The following LUC7L2 variants were observed in gnomAD, a reference collection of about 807,000 sequenced individuals.
The protein encoded by LUC7L2 is putative RNA-binding protein Luc7-like 2.
In LUC7L2, 25 loss-of-function variants were observed where a neutral mutation model predicts 52.8. That is an observed-to-expected ratio of 0.47 (90% CI 0.34 to 0.66). The LOEUF (loss-of-function observed/expected upper bound fraction) is 0.66, where lower values mean the gene tolerates loss of function less well. LUC7L2 is among the 30% of genes least tolerant of loss of function. LUC7L2 has a pLI of 0.01. For synonymous variants in LUC7L2, 144 were observed against 160.9 expected (o/e 0.89, Z 0.80); for missense variants, 328 against 497.8 (o/e 0.66, Z 3.25).
rs796543683 is a variant in LUC7L2 at position 139,415,072 on chromosome 7, T to G, written c.810-2466T>G. ...CTGCTAAGTTTTTTTTTTTTTTTTT[T>G]TTTTTTTTTTTGTATTTTTAGTAGA... On this transcript the variant is annotated intron_variant, in intron 8 of 9. Transcript: ENST00000354926. 1.2e-3 allele frequency among the ~76,000 whole-genome samples: 115 copies of G among 92,892 alleles called. 1 individual carries two copies. The highest frequency in any genetic ancestry group is 5.4e-3 in the African/African-American group (66 of 12,290). 60.9% of individuals were successfully genotyped at this position (92,892 alleles called of 152,430 possible).
At chr7:139,358,080 T>C (rs1799661854), upstream of LUC7L2, among the ~76,000 whole-genome samples, 1 of 152,068 alleles carries the variant, frequency 6.6e-6, no homozygotes, top group Non-Finnish European at 1.5e-5. Flanking sequence ...TAATCTCGGC[T>C]TACTGCAACC....
At chr7:139,380,214 CAG>C (rs1477175236) in intron 2 of LUC7L2, among the ~76,000 whole-genome samples, 2 of 151,932 alleles carry the variant, frequency 1.3e-5, no homozygotes, top group East Asian at 1.9e-4. Flanking sequence ...GGAGGTAAAA[CAG>C]AACAGAGGAT....
rs780564101 is a variant in LUC7L2 at position 139,417,574 on chromosome 7, C to T, written c.846C>T (p.Arg282=). 3.7e-6 allele frequency: 6 copies of T among 1,614,172 alleles called. No individual in the cohort carries two copies. The South Asian group carries it at 5.5e-5, about 15-fold the overall frequency. ...RSREHRRHRS[R]SMSRERKRRT... is the part of the protein sequence containing the mutation. ...GAGAGCATCGCAGACATCGATCTCG[C>T]TCCATGTCACGTGAACGCAAGAGGA... is the stretch of plus-strand genomic sequence containing the variant. Residue 282 remains arginine, a synonymous_variant, in exon 9 of 10, where the codon CGC becomes CGT. Coordinates refer to ENST00000354926, the MANE Select transcript of LUC7L2 (RefSeq NM_016019.5).
chr7:139,415,647 C>T (rs1028424246), intron 8 of LUC7L2, among the ~76,000 whole-genome samples: 1 of 148,464 alleles, frequency 6.7e-6, no homozygotes, highest in Admixed American at 6.8e-5. Flanking sequence ...CGTGTGCCAC[C>T]ATGTCCAGCT....
chr7:139,407,641 T>C (rs980169865), intron 6 of LUC7L2, among the ~76,000 whole-genome samples: 3 of 152,176 alleles, frequency 2.0e-5, no homozygotes, highest in Non-Finnish European at 4.4e-5. Context: ...TTCATTGTTA[T>C]TGTTCTTTTC....
intron 2 of LUC7L2, among the ~76,000 whole-genome samples, chr7:139,378,629 A>G (rs1375460300): frequency 1.3e-5 from 2 of 152,214 alleles, no homozygotes; most frequent in African/African-American, 4.8e-5. Flanking sequence ...TTCATTCTTC[A>G]TTTAACATCA....
chr7:139,357,150 A>G (rs1406732206), upstream of LUC7L2, among the ~76,000 whole-genome samples: 1 of 152,198 alleles, frequency 6.6e-6, no homozygotes, highest in Non-Finnish European at 1.5e-5. Flanking sequence ...GAATAAAAAT[A>G]TAATAAAATG....
intron 2 of LUC7L2, among the ~76,000 whole-genome samples, chr7:139,380,827 A>T (rs1323964017): frequency 6.6e-6 from 1 of 152,218 alleles, no homozygotes; most frequent in Non-Finnish European, 1.5e-5. Context: ...AGGAAAGATA[A>T]AGAAATTGAC....
intron 2 of LUC7L2, 124 bp from the exon 3 acceptor site, chr7:139,398,475 G>C (rs1358987571): frequency 4.8e-6 from 3 of 625,030 alleles, no homozygotes; most frequent in Non-Finnish European, 7.3e-6. Flanking sequence ...TTTGTAATTT[G>C]GAAGCCCCTA....
chr7:139,358,318 T>C (rs1799684242), upstream of LUC7L2, among the ~76,000 whole-genome samples: 1 of 152,186 alleles, frequency 6.6e-6, no homozygotes, highest in Non-Finnish European at 1.5e-5. Flanking sequence ...GCAATATACA[T>C]TTAAAGGAAT....
At chr7:139,395,543 T>A (rs918492875) in intron 2 of LUC7L2, among the ~76,000 whole-genome samples, 4 of 152,234 alleles carry the variant, frequency 2.6e-5, no homozygotes, top group Non-Finnish European at 4.4e-5. Flanking sequence ...TCCTCATTAT[T>A]TCCCAAAGGA....
At chr7:139,421,358 A>T (rs1431242228) in intron 9 of LUC7L2, among the ~76,000 whole-genome samples, 1 of 152,184 alleles carries the variant, frequency 6.6e-6, no homozygotes, top group East Asian at 1.9e-4. Context: ...AATTTGTTGA[A>T]TTTTAGATGT....
intron 2 of LUC7L2, among the ~76,000 whole-genome samples, chr7:139,379,964 A>G (rs950420988): frequency 8.6e-5 from 13 of 151,322 alleles, no homozygotes; most frequent in Non-Finnish European, 1.9e-4. Context: ...ACTTGAGGTC[A>G]GGAGTTTGAG....
intron 1 of LUC7L2, chr7:139,346,394 A>G (rs1799272719): frequency 6.6e-6 from 1 of 152,210 alleles, no homozygotes; most frequent in Non-Finnish European, 1.5e-5. Context: ...GCATCTTTCC[A>G]GATATTTCCT....
chr7:139,352,113 T>G (rs1471969776), intron 1 of LUC7L2, among the ~76,000 whole-genome samples: 2 of 152,164 alleles, frequency 1.3e-5, no homozygotes, highest in Non-Finnish European at 2.9e-5. Flanking sequence ...GAAGATCACT[T>G]GAGCCCAGGA....
chr7:139,387,806 G>C (rs1341810324), intron 2 of LUC7L2, among the ~76,000 whole-genome samples: 3 of 151,968 alleles, frequency 2.0e-5, no homozygotes, highest in Non-Finnish European at 4.4e-5. Context: ...GGACTGAAGT[G>C]CAGTAGTGTC....
intron 2 of LUC7L2, among the ~76,000 whole-genome samples, chr7:139,386,228 C>CTG (rs906358694): frequency 1.4e-4 from 22 of 151,980 alleles, no homozygotes; most frequent in African/African-American, 5.3e-4. Context: ...GTCTTAACTC[C>CTG]TGGCCTCACG....
intron 4 of LUC7L2, among the ~76,000 whole-genome samples, chr7:139,404,484 G>A (rs1253419390): frequency 6.6e-6 from 1 of 152,138 alleles, no homozygotes; most frequent in East Asian, 1.9e-4. Context: ...ACTCCAGCCT[G>A]GGCGACAGAG....
intron 1 of LUC7L2, among the ~76,000 whole-genome samples, chr7:139,348,927 G>C (rs1334490511): frequency 6.6e-6 from 1 of 152,050 alleles, no homozygotes; most frequent in Non-Finnish European, 1.5e-5. Context: ...TTGGGAGGCT[G>C]AGGCAGGTAG....
Sources: allele counts gnomAD v4.1 joint callset (sites outside exome capture counted in the v4.1 genomes callset), GRCh38; gene constraint gnomAD v4.1.1; transcripts MANE v1.5; gene names NCBI Gene and HGNC (gene_info 2026-07-23, HGNC 2026-07-21).